The following CCNB3 variants were observed in gnomAD, a reference collection of about 807,000 sequenced individuals.
CCNB3 encodes G2/mitotic-specific cyclin-B3.
CCNB3 carries 12 observed loss-of-function variants against 68.0 expected under a neutral mutation model. The ratio of observed to expected loss-of-function variants is 0.18; its 90% CI spans 0.11 to 0.29. The LOEUF is 0.29. Ranked by LOEUF, CCNB3 falls within the 10% of genes least tolerant of loss-of-function variation. CCNB3 has a pLI of 1.00. For missense variants in CCNB3, 904 were observed against 993.1 expected, an observed-to-expected ratio of 0.91 and a Z score of 1.21; for synonymous variants, 354 against 388.9, an observed-to-expected ratio of 0.91 and a Z score of 1.06.
At chrX:50,325,565 G>A (rs1378725301) in intron 8 of CCNB3, among the ~76,000 whole-genome samples, 1 of 112,009 alleles carries the variant, frequency 8.9e-6, no homozygotes, top group Non-Finnish European at 1.9e-5. Flanking sequence ...ACCCTGATTG[G>A]CCAAGGCAAG....
At chrX:50,226,922 A>G (rs1200413718) in intron 1 of CCNB3, among the ~76,000 whole-genome samples, 1 of 67,932 alleles carries the variant, frequency 1.5e-5, no homozygotes, top group Non-Finnish European at 2.4e-5. Flanking sequence ...GTATATATAT[A>G]GAATATATAT....
intron 1 of CCNB3, among the ~76,000 whole-genome samples, chrX:50,226,718 CAGAATATACATATGAATATGTACAT>C (rs1935832664): frequency 1.7e-4 from 11 of 66,362 alleles, no homozygotes; most frequent in Admixed American, 4.8e-4. Context: ...AATATGTACA[CAGAATATACATATGAATATGTACAT>C]AGAATATACA....
At chrX:50,345,794 G>T (rs1267072003) in intron 9 of CCNB3, among the ~76,000 whole-genome samples, 1 of 111,986 alleles carries the variant, frequency 8.9e-6, no homozygotes, top group Non-Finnish European at 1.9e-5. Context: ...CTGCCCTGGT[G>T]TTGCCACTAG....
rs781990470 is a variant in CCNB3, at chrX:50,288,781, C to T, written c.98C>T (p.Thr33Met). Residue 33 changes from threonine to methionine, a missense_variant and splice_region_variant, in exon 4 of 13, where the codon ACG becomes ATG. Coordinates refer to ENST00000376042, the MANE Select transcript of CCNB3 (RefSeq NM_033031.3). ...CATTTACCTCTTTTACTTTTTTAGACGGGGGAGAATTGCCAAACGAAGATA... is the reference window on the plus strand; with the variant it reads ...CATTTACCTCTTTTACTTTTTTAGATGGGGGAGAATTGCCAAACGAAGATA... ...VPSHHDPSEKTGENCQTKISP... is the reference protein window; with the variant it reads ...VPSHHDPSEKMGENCQTKISP... The T allele has an allele frequency of 8.0e-5, 95 of 1,192,051 alleles. No homozygotes were observed. The highest frequency in any genetic ancestry group is 1.0e-4 in the Non-Finnish European group (91 of 880,074).
chrX:50,310,035 G>T lies in CCNB3; in HGVS notation c.1866G>T (p.Leu622Phe), dbSNP rs1921327381. 2 of 1,209,330 alleles carry T rather than the reference G, an allele frequency of 1.7e-6. No homozygotes were observed. Among genetic ancestry groups the T allele is most frequent in the Middle Eastern group, 2.3e-4 (1 of 4,350 alleles). ...AGGAGTCATTCTATAAGAAGCTGTT[G>T]CCCTTTAAGATGAAATCTACAACGG... The part of the protein sequence containing the change: ...SEEESFYKKL[L>F]PFKMKSTTEE... Residue 622 changes from leucine (L) to phenylalanine (F), a missense_variant, in exon 6 of 13, where the codon TTG becomes TTT. Leu to Phe is a conservative substitution (Grantham distance 22). Transcript: ENST00000376042.
At chrX:50,290,771 G>A (rs987949599) in intron 4 of CCNB3, among the ~76,000 whole-genome samples, 8 of 111,292 alleles carry the variant, frequency 7.2e-5, no homozygotes, top group Non-Finnish European at 1.5e-4. Flanking sequence ...AGGGATCTCT[G>A]AGCAGAGTCT....
intron 8 of CCNB3, among the ~76,000 whole-genome samples, chrX:50,337,815 A>G (rs933392584): frequency 1.6e-4 from 18 of 111,920 alleles, no homozygotes; most frequent in Non-Finnish European, 7.5e-5. Context: ...CCAAACCAGA[A>G]TCAAAACCAA....
chrX:50,305,564 G>C (rs1313414576), intron 5 of CCNB3, among the ~76,000 whole-genome samples: 1 of 109,908 alleles, frequency 9.1e-6, no homozygotes, highest in East Asian at 2.9e-4. Flanking sequence ...TAAATGACGA[G>C]TTAATGGGTG....
intron 8 of CCNB3, among the ~76,000 whole-genome samples, chrX:50,338,243 C>T (rs1922954311): frequency 8.9e-6 from 1 of 112,486 alleles, no homozygotes; most frequent in Admixed American, 9.4e-5. Context: ...ACTTCCCAGT[C>T]AGGGAACCAA....
intron 5 of CCNB3, among the ~76,000 whole-genome samples, chrX:50,295,515 T>C (rs562024190): frequency 9.0e-6 from 1 of 111,512 alleles, no homozygotes; most frequent in East Asian, 2.8e-4. Context: ...ATTGGAAAAA[T>C]AATTTACCTC....
intron 8 of CCNB3, among the ~76,000 whole-genome samples, chrX:50,322,090 CA>C (rs1922048726): frequency 1.1e-5 from 1 of 94,499 alleles, no homozygotes; most frequent in Non-Finnish European, 2.1e-5. Flanking sequence ...CATATGGAAC[CA>C]AAAAAAGAGC....
chrX:50,310,157 A>G lies in CCNB3; in HGVS notation c.1988A>G (p.Glu663Gly). The G allele has an allele frequency of 8.3e-7, 1 of 1,210,663 alleles. No individual in the cohort carries two copies. Among genetic ancestry groups the G allele is most frequent in the East Asian group, 3.0e-5 (1 of 33,838 alleles). Residue 663 changes from glutamate to glycine, a missense_variant, in exon 6 of 13, where the codon GAG becomes GGG. Coordinates refer to ENST00000376042, the MANE Select transcript of CCNB3 (RefSeq NM_033031.3). ...TCAAAAGAGTCATTGGCCATCCAAG[A>G]GAAGGCTACCACTGAGGAGGAATTC... ...SLSKESLAIQ[E>G]KATTEEEFSQ...
rs1161797315 is a variant in CCNB3, at chrX:50,336,878, C to T, written c.3517-5324C>T. ...AGTTGCCGCCTGGAGCACCCTTCAC[C>T]TTTCATCTGTATTAAAGAGGTACAT... On this transcript the variant is annotated intron_variant, in intron 8 of 12. Coordinates refer to ENST00000376042, the MANE Select transcript of CCNB3 (RefSeq NM_033031.3). Among the ~76,000 whole-genome samples, 3 of 111,468 alleles carry T rather than the reference C, an allele frequency of 2.7e-5. No homozygotes were observed. In the East Asian group the frequency reaches 8.5e-4, roughly 32 times the overall value.
intron 5 of CCNB3, among the ~76,000 whole-genome samples, chrX:50,304,648 C>A (rs1936722009): frequency 9.0e-6 from 1 of 111,705 alleles, no homozygotes; most frequent in African/African-American, 3.3e-5. Context: ...CCAAAATTGA[C>A]AAATGGGATC....
chrX:50,339,890 G>T (rs1923038661), intron 8 of CCNB3, among the ~76,000 whole-genome samples: 4 of 110,794 alleles, frequency 3.6e-5, no homozygotes, highest in African/African-American at 1.3e-4. Flanking sequence ...CCATCCCCAT[G>T]ACCCAAACAC....
chrX:50,300,273 G>A (rs1412025544), intron 5 of CCNB3, among the ~76,000 whole-genome samples: 8 of 110,997 alleles, frequency 7.2e-5, no homozygotes, highest in East Asian at 5.7e-4. Flanking sequence ...GGCTGGTACC[G>A]GTTGTTCCTT....
At chrX:50,334,456 G>C (rs1199650292) in intron 8 of CCNB3, among the ~76,000 whole-genome samples, 1 of 112,522 alleles carries the variant, frequency 8.9e-6, no homozygotes, top group Non-Finnish European at 1.9e-5. Flanking sequence ...AGCATGGGGG[G>C]CCTTTATATT....
At position 50,309,145 on chromosome X, in the gene CCNB3, C is replaced by T. The variant is rs1557214076; in HGVS notation, c.976C>T (p.Leu326Phe). 1 of 1,209,330 alleles carries T rather than the reference C, an allele frequency of 8.3e-7. No homozygotes were observed. Among genetic ancestry groups the T allele is most frequent in the Non-Finnish European group, 1.1e-6 (1 of 894,782 alleles). Reference sequence around the variant, plus strand: ...GAAGCCTACCACTGAGAAGGAGACACTTTTCCAAGAGCTATCTGTATTGCA... The same window carrying T: ...GAAGCCTACCACTGAGAAGGAGACATTTTTCCAAGAGCTATCTGTATTGCA... ...IKKPTTEKET[L>F]FQELSVLQEK... The change falls in exon 6 of 13, where the codon CTT (leucine) becomes TTT (phenylalanine). Residue 326 changes from leucine (L) to phenylalanine (F), a missense_variant. Transcript: ENST00000376042.
intron 1 of CCNB3, among the ~76,000 whole-genome samples, chrX:50,227,117 A>G (rs1167655372): frequency 2.4e-5 from 2 of 81,940 alleles, no homozygotes; most frequent in South Asian, 5.4e-4. Flanking sequence ...ACAAATATAT[A>G]GAATATATAC....
Sources: allele counts gnomAD v4.1 joint callset (sites outside exome capture counted in the v4.1 genomes callset), GRCh38; gene constraint gnomAD v4.1.1; transcripts MANE v1.5; gene names NCBI Gene and HGNC (gene_info 2026-07-23, HGNC 2026-07-21).